Variants in TNNI2 observed in about 807,000 individuals in gnomAD.
TNNI2 encodes troponin I2, fast skeletal type.
TNNI2 carries 14 observed loss-of-function variants against 26.5 expected under a neutral mutation model. The observed-to-expected ratio is 0.53, with a 90% confidence interval of 0.35 to 0.83. TNNI2 has a LOEUF of 0.83. Among genes scored for constraint, TNNI2 ranks in the 40% least tolerant of loss-of-function variants. The pLI, the probability that TNNI2 is intolerant of heterozygous loss-of-function variation, is 0.01. For synonymous variants in TNNI2, 126 were observed against 97.6 expected, an observed-to-expected ratio of 1.29 and a Z score of -1.71; for missense variants, 205 against 248.5, an observed-to-expected ratio of 0.82 and a Z score of 1.18.
intron 3 of TNNI2, 44 bp downstream of exon 3, chr11:1,839,899 C>A: frequency 1.2e-6 from 2 of 1,612,710 alleles, no homozygotes; most frequent in Non-Finnish European, 1.7e-6. Flanking sequence ...GGAGGGGGCT[C>A]CCCCAACTCA....
At chr11:1,839,973 G>A (rs550130618) in intron 3 of TNNI2, 118 bp downstream of exon 3, 28 of 1,465,636 alleles carry the variant, frequency 1.9e-5, no homozygotes, top group African/African-American at 8.4e-5. Context: ...GGCCCTCCCC[G>A]CTGGCAAAAG....
In TNNI2 at chr11:1,839,873, G is replaced by A. The variant is rs764564038; in HGVS notation, c.15+18G>A. On this transcript the variant is annotated intron_variant, in intron 3 of 7. Transcript: ENST00000381911. ...GTGAGGAGGTAAGTAGTTGCTGGGG[G>A]CTCAAAACATGACGAGGAGGGGGCT... 1.9e-6 allele frequency: 3 copies of A among 1,613,674 alleles called. No individual in the cohort carries two copies. Among genetic ancestry groups the A allele is most frequent in the Non-Finnish European group, 2.5e-6 (3 of 1,179,808 alleles).
rs925014491 is a variant in TNNI2 at position 1,840,414 on chromosome 11, G to A, written c.27G>A (p.Arg9=). The part of the protein sequence containing the change: MGDEEKRN[R]AITARRQHLK... ...CCCCTGCCCTGCAGAAGCGGAACAG[G>A]GCCATCACGGCCCGCAGGCAGCACC... Residue 9 remains arginine (R), a synonymous_variant, in exon 4 of 8, where the codon AGG becomes AGA. Coordinates refer to ENST00000381911, the MANE Select transcript of TNNI2 (RefSeq NM_003282.4). The A allele has an allele frequency of 6.2e-7, 1 of 1,610,374 alleles. No homozygotes were observed.
intron 3 of TNNI2, 125 bp downstream of exon 3, chr11:1,839,980 A>G: frequency 7.0e-7 from 1 of 1,435,276 alleles, no homozygotes; most frequent in Non-Finnish European, 9.5e-7. Flanking sequence ...CCCGCTGGCA[A>G]AAGTGCCCCA....
At chr11:1,839,405 G>T (rs1847113729) in intron 1 of TNNI2, 1 of 521,608 alleles carries the variant, frequency 1.9e-6, no homozygotes, top group East Asian at 3.1e-5. Flanking sequence ...CACCTGCGCT[G>T]GCCCATCCCA....
intron 3 of TNNI2, chr11:1,840,123 C>A: frequency 7.5e-7 from 1 of 1,339,592 alleles, no homozygotes; most frequent in South Asian, 1.3e-5. Flanking sequence ...CCGCCCCCAC[C>A]TCACCGGCCG....
intron 7 of TNNI2, 121 bp downstream of exon 7, chr11:1,841,328 T>G: frequency 6.5e-7 from 1 of 1,531,954 alleles, no homozygotes; most frequent in Non-Finnish European, 9.0e-7. Context: ...CCACTGCCCC[T>G]CCAGGGTGCC....
chr11:1,840,839 C>G lies in TNNI2; in HGVS notation c.207C>G (p.His69Gln). 6.2e-7 allele frequency: 1 copy of G among 1,612,982 alleles called. No homozygotes were observed. Among genetic ancestry groups the G allele is most frequent in the Non-Finnish European group, 8.5e-7 (1 of 1,179,724 alleles). The change falls in exon 6 of 8, where the codon CAC (histidine) becomes CAG (glutamine). Residue 69 changes from histidine (H) to glutamine (Q), a missense_variant. His to Gln is a conservative substitution (Grantham distance 24). Coordinates refer to ENST00000381911, the MANE Select transcript of TNNI2 (RefSeq NM_003282.4). ...CCTAGGAGCTCTGCAAACAGCTGCA[C>G]GCCAAGATCGATGCGGCTGAAGAGG... ...SEVQELCKQL[H>Q]AKIDAAEEEK...
chr11:1,840,461 G>C lies in TNNI2; in HGVS notation c.57+17G>C, dbSNP rs369191700. 748 of 1,608,362 alleles carry C rather than the reference G, an allele frequency of 4.7e-4. 1 individual carries two copies. Among genetic ancestry groups the C allele is most frequent in the Middle Eastern group, 4.3e-3 (26 of 6,006 alleles). On this transcript the variant is annotated intron_variant, in intron 4 of 7. Coordinates refer to ENST00000381911, the MANE Select transcript of TNNI2 (RefSeq NM_003282.4). ...CACCTGAAGGTAGGTGTGGGCTCCCGGGGGGGTGGCCCAGGTGGGTCTGCA... is the reference window on the plus strand; with the variant it reads ...CACCTGAAGGTAGGTGTGGGCTCCCCGGGGGGTGGCCCAGGTGGGTCTGCA...
rs747954129 is a variant in TNNI2 at position 1,839,847 on chromosome 11, A to T, written c.9-2A>T. The T allele has an allele frequency of 1.2e-6, 2 of 1,613,610 alleles. No homozygotes were observed. The highest frequency in any genetic ancestry group is 8.5e-7 in the Non-Finnish European group (1 of 1,179,826). ...CTGCCTGCGTCCTCCCTCCCTGGAC[A>T]GTGAGGAGGTAAGTAGTTGCTGGGG... On this transcript the variant is annotated splice_acceptor_variant, in intron 2 of 7. Coordinates refer to ENST00000381911, the MANE Select transcript of TNNI2 (RefSeq NM_003282.4). LOFTEE classifies it high-confidence loss of function.
rs1273336998 is a variant in TNNI2 at position 1,841,189 on chromosome 11, G to A, written c.435G>A (p.Lys145=). The A allele has an allele frequency of 1.9e-6, 3 of 1,612,908 alleles. No individual in the cohort carries two copies. Among genetic ancestry groups the A allele is most frequent in the South Asian group, 1.1e-5 (1 of 91,080 alleles). ...TGAGGGCCAACCTGAAGCAGGTCAAGAAGGAGGACACAGAGAAGGTGCGTG... is the reference window on the plus strand; with the variant it reads ...TGAGGGCCAACCTGAAGCAGGTCAAAAAGGAGGACACAGAGAAGGTGCGTG... The part of the protein sequence containing the change: ...MDLRANLKQV[K]KEDTEKERDL... The change falls in exon 7 of 8, where the codon AAG becomes AAA. Residue 145 remains lysine (K), a synonymous_variant. Coordinates refer to ENST00000381911, the MANE Select transcript of TNNI2 (RefSeq NM_003282.4).
rs756675384 is a variant in TNNI2 at position 1,840,804 on chromosome 11, C to G, written c.187-15C>G. On this transcript the variant is annotated splice_polypyrimidine_tract_variant and intron_variant, in intron 5 of 7. Transcript: ENST00000381911. ...AAGTGTCAGGACGGCCGCCCGCCCC[C>G]ACACCCACCCCTAGGAGCTCTGCAA... is the stretch of plus-strand genomic sequence containing the variant. 4 of 1,609,228 alleles carry G rather than the reference C, an allele frequency of 2.5e-6. No homozygotes were observed. Among genetic ancestry groups the G allele is most frequent in the Non-Finnish European group, 3.4e-6 (4 of 1,178,304 alleles).
chr11:1,840,737 C>G, intron 5 of TNNI2, 81 bp downstream of exon 5: 1 of 1,606,366 alleles, frequency 6.2e-7, no homozygotes, highest in South Asian at 1.1e-5. Context: ...GTCAAGAGGG[C>G]CAGTGGGGTG....
intron 5 of TNNI2, 35 bp from the exon 6 acceptor site, chr11:1,840,784 T>C: frequency 6.2e-7 from 1 of 1,602,988 alleles, no homozygotes. Flanking sequence ...CTGCCAAGTG[T>C]CAGGACGGCC....
intron 5 of TNNI2, 66 bp downstream of exon 5, chr11:1,840,722 C>A: frequency 6.2e-7 from 1 of 1,610,838 alleles, no homozygotes; most frequent in South Asian, 1.1e-5. Flanking sequence ...TCAGTTTCCC[C>A]ACTTGTCAAG....
chr11:1,840,736 G>C (rs895942318), intron 5 of TNNI2, 80 bp downstream of exon 5: 1 of 1,607,480 alleles, frequency 6.2e-7, no homozygotes, highest in African/African-American at 1.3e-5. Context: ...TGTCAAGAGG[G>C]CCAGTGGGGT....
chr11:1,841,170 C>T lies in TNNI2; in HGVS notation c.416C>T (p.Ala139Val), dbSNP rs374497764. ...CACAAGGTGTGCATGGACCTGAGGG[C>T]CAACCTGAAGCAGGTCAAGAAGGAG... is the stretch of plus-strand genomic sequence containing the variant. ...SKHKVCMDLRANLKQVKKEDT... is the reference protein window; with the variant it reads ...SKHKVCMDLRVNLKQVKKEDT... Residue 139 changes from alanine (A) to valine (V), a missense_variant, in exon 7 of 8, where the codon GCC becomes GTC. By Grantham distance (64) the Ala-to-Val change is moderately conservative. Transcript: ENST00000381911. The T allele has an allele frequency of 1.2e-6, 2 of 1,613,126 alleles. No individual in the cohort carries two copies. Among genetic ancestry groups the T allele is most frequent in the African/African-American group, 1.3e-5 (1 of 75,024 alleles).
Position 1,841,575 on chromosome 11 carries a change from C to T in TNNI2, c.*24C>T. On this transcript the variant is annotated 3_prime_UTR_variant, in exon 8 of 8. Transcript: ENST00000381911. ...AGGCCACTCGCTGCCCCTACGCCTG[C>T]CCCGGTGCCCGGCTCCCAGCAGAAC... The T allele has an allele frequency of 6.2e-7, 1 of 1,608,314 alleles. No homozygotes were observed. Among genetic ancestry groups the T allele is most frequent in the South Asian group, 1.1e-5 (1 of 90,942 alleles).
intron 1 of TNNI2, 30 bp from the exon 2 acceptor site, chr11:1,839,645 G>A: frequency 6.2e-7 from 1 of 1,612,690 alleles, no homozygotes; most frequent in Non-Finnish European, 8.5e-7. Flanking sequence ...CAAGGGCCTG[G>A]CCAACACCTC....
Sources: allele counts gnomAD v4.1 joint callset, GRCh38; gene constraint gnomAD v4.1.1; transcripts MANE v1.5; gene names NCBI Gene and HGNC (gene_info 2026-07-23, HGNC 2026-07-21).